The following RSKR variants were observed in gnomAD, a reference collection of about 807,000 sequenced individuals.
RSKR encodes ribosomal protein S6 kinase related.
Under a neutral mutation model 56.8 loss-of-function variants are expected in RSKR, and 44 were observed. That is an observed-to-expected ratio of 0.77 (90% CI 0.61 to 1.00). The LOEUF (loss-of-function observed/expected upper bound fraction) is 1.00. RSKR is among the 50% of genes least tolerant of loss of function. The pLI is 0.00. For synonymous variants in RSKR, 181 were observed against 188.0 expected (o/e 0.96, Z 0.30); for missense variants, 510 against 506.9 (o/e 1.01, Z -0.06).
rs1305768801 is a variant in RSKR at position 28,608,824 on chromosome 17, C to T, written c.*1654G>A. 3.3e-5 allele frequency: 5 copies of T among 152,028 alleles called. No homozygotes were observed. Among genetic ancestry groups the T allele is most frequent in the Admixed American group, 2.0e-4 (3 of 15,244 alleles). The allele number at this position is 152,028 out of a possible 1,614,324, so 9.4% of individuals were successfully genotyped here. A position where few individuals can be genotyped will look rare whatever the true frequency, so the allele number is the denominator to read the frequency against. ...GAGTACTCTCCAGACTGTCTTTTGT[C>T]TAGAGAGATTAGATGTAACTAAATA... On this transcript the variant is annotated 3_prime_UTR_variant, in exon 12 of 12. Coordinates refer to ENST00000301037, the MANE Select transcript of RSKR (RefSeq NM_001174103.2).
rs541562914 is a variant in RSKR, at chr17:28,611,570, T to C, written c.808A>G (p.Met270Val). ...AYTICGTLQY[M>V]APEVLSGGPY... ...CATCAGCTTTAACCTCTCTCACCCATGTACTGAAGAGTGCCACAGATAGTG... is the reference window on the plus strand; with the variant it reads ...CATCAGCTTTAACCTCTCTCACCCACGTACTGAAGAGTGCCACAGATAGTG... Residue 270 changes from methionine to valine, a missense_variant, in exon 9 of 12, where the codon ATG (methionine) becomes GTG (valine). Physicochemically the swap from Met to Val is conservative, Grantham distance 21. Coordinates refer to ENST00000301037, the MANE Select transcript of RSKR (RefSeq NM_001174103.2). 4.5e-6 allele frequency: 7 copies of C among 1,554,856 alleles called. No individual in the cohort carries two copies. The East Asian group carries it at 6.7e-5, about 15-fold the overall frequency.
Position 28,612,687 on chromosome 17 carries a change from G to C in RSKR, c.478C>G (p.Arg160Gly), listed in dbSNP as rs765474788. Residue 160 changes from arginine (R) to glycine (G), a missense_variant and splice_region_variant, in exon 5 of 12, where the codon CGA becomes GGA. Coordinates refer to ENST00000301037, the MANE Select transcript of RSKR (RefSeq NM_001174103.2). Reference sequence around the variant, plus strand: ...TGTACAAAGGGATGGTTGATCTGTCGCTAGGAACAAAGAAAACAGGAAGTT... The same window carrying C: ...TGTACAAAGGGATGGTTGATCTGTCCCTAGGAACAAAGAAAACAGGAAGTT... The part of the protein sequence containing the change: ...RQCKEEVSIQ[R>G]QINHPFVHSL... 1.2e-6 allele frequency: 2 copies of C among 1,614,132 alleles called. No individual in the cohort carries two copies. The highest frequency in any genetic ancestry group is 1.7e-6 in the Non-Finnish European group (2 of 1,179,994).
chr17:28,613,828 T>C, intron 1 of RSKR, 140 bp from the exon 2 acceptor site: 1 of 1,273,636 alleles, frequency 7.9e-7, no homozygotes, highest in Non-Finnish European at 1.1e-6. Flanking sequence ...CCCATTACCC[T>C]TGCTTTGTGC....
intron 10 of RSKR, 22 bp from the exon 11 acceptor site, chr17:28,611,275 G>A (rs2070809187): frequency 2.6e-6 from 4 of 1,534,140 alleles, no homozygotes; most frequent in Non-Finnish European, 3.5e-6. Context: ...GGTAGGGAGT[G>A]GAGGTAGGGG....
In RSKR at chr17:28,613,693, G is replaced by A; in HGVS notation, c.76-5C>T. Reference sequence around the variant, plus strand: ...ACCCCGGATGTTGCCACCCTGCTGAGAACCAAGGGAGCCACTCTAAACTTT... The same window carrying A: ...ACCCCGGATGTTGCCACCCTGCTGAAAACCAAGGGAGCCACTCTAAACTTT... On this transcript the variant is annotated splice_polypyrimidine_tract_variant and splice_region_variant and intron_variant, in intron 1 of 11. Coordinates refer to ENST00000301037, the MANE Select transcript of RSKR (RefSeq NM_001174103.2). The A allele has an allele frequency of 6.2e-7, 1 of 1,613,636 alleles. No individual in the cohort carries two copies. The highest frequency in any genetic ancestry group is 8.5e-7 in the Non-Finnish European group (1 of 1,179,898).
rs1450270929 is a variant in RSKR at position 28,610,327 on chromosome 17, C to T, written c.*151G>A. On this transcript the variant is annotated 3_prime_UTR_variant, in exon 12 of 12. Coordinates refer to ENST00000301037, the MANE Select transcript of RSKR (RefSeq NM_001174103.2). ...CTGTGGCTGCCAGTAGCAGAATGTC[C>T]AGGTTGGAACTCTGGTCTAAAGCCT... 1 of 687,334 alleles carries T rather than the reference C, an allele frequency of 1.5e-6. No individual in the cohort carries two copies. 42.6% of individuals were successfully genotyped at this position (687,334 alleles called of 1,614,324 possible).
At position 28,611,640 on chromosome 17, in the gene RSKR, T is replaced by C. The variant is rs749976796; in HGVS notation, c.738A>G (p.Thr246=). The C allele has an allele frequency of 6.3e-7, 1 of 1,583,588 alleles. No homozygotes were observed. Among genetic ancestry groups the C allele is most frequent in the Non-Finnish European group, 8.6e-7 (1 of 1,166,264 alleles). Residue 246 remains threonine (T), a synonymous_variant, in exon 9 of 12, where the codon ACA becomes ACG. Coordinates refer to ENST00000301037, the MANE Select transcript of RSKR (RefSeq NM_001174103.2). ...GCACGTGGCGGGACAGACCAAAGTC[T>C]GTCAGTTTCAGATGGCCTATGAAAG... ...LLDERGHLKL[T]DFGLSRHVPQ...
chr17:28,613,740 T>G, intron 1 of RSKR, 52 bp from the exon 2 acceptor site: 1 of 1,603,980 alleles, frequency 6.2e-7, no homozygotes, highest in Non-Finnish European at 8.5e-7. Context: ...GCATAGCAGG[T>G]TCCACCCATC....
chr17:28,611,878 G>GC, intron 7 of RSKR, 83 bp from the exon 8 acceptor site: 1 of 1,612,192 alleles, frequency 6.2e-7, no homozygotes, highest in Non-Finnish European at 8.5e-7. Flanking sequence ...TGAAGGTGAT[G>GC]CCCTACTCAG....
In RSKR at chr17:28,611,812, G is replaced by A. The variant is rs752559594; in HGVS notation, c.694-17C>T. On this transcript the variant is annotated splice_polypyrimidine_tract_variant and intron_variant, in intron 7 of 11. Coordinates refer to ENST00000301037, the MANE Select transcript of RSKR (RefSeq NM_001174103.2). ...ATTCTCCATCTGAAAGATCACAGGTGAGAAGTAATTCTTCCTCTTCCTTTC... is the reference window on the plus strand; with the variant it reads ...ATTCTCCATCTGAAAGATCACAGGTAAGAAGTAATTCTTCCTCTTCCTTTC... The A allele has an allele frequency of 6.2e-7, 1 of 1,614,022 alleles. No individual in the cohort carries two copies. Among genetic ancestry groups the A allele is most frequent in the East Asian group, 2.2e-5 (1 of 44,906 alleles).
intron 5 of RSKR, 63 bp downstream of exon 5, chr17:28,612,555 A>G: frequency 6.4e-7 from 1 of 1,553,556 alleles, no homozygotes; most frequent in Non-Finnish European, 8.9e-7. Flanking sequence ...CCAAAGAGGT[A>G]ATCTCAGGTG....
intron 5 of RSKR, 38 bp from the exon 6 acceptor site, chr17:28,612,404 G>C (rs1319843081): frequency 6.3e-7 from 1 of 1,592,308 alleles, no homozygotes; most frequent in Non-Finnish European, 8.6e-7. Context: ...ATTGCCAGAA[G>C]TCTAGGCAAT....
rs891970994 is a variant in RSKR at position 28,610,313 on chromosome 17, A to C, written c.*165T>G. The C allele has an allele frequency of 3.2e-6, 2 of 633,984 alleles. No homozygotes were observed. Among genetic ancestry groups the C allele is most frequent in the African/African-American group, 3.7e-5 (2 of 54,434 alleles). 39.3% of individuals were successfully genotyped at this position (633,984 alleles called of 1,614,324 possible). ...AGGAATAGGGCCAGCTGTGGCTGCC[A>C]GTAGCAGAATGTCCAGGTTGGAACT... On this transcript the variant is annotated 3_prime_UTR_variant, in exon 12 of 12. Coordinates refer to ENST00000301037, the MANE Select transcript of RSKR (RefSeq NM_001174103.2).
chr17:28,612,538 G>C, intron 5 of RSKR, 80 bp downstream of exon 5: 4 of 1,513,046 alleles, frequency 2.6e-6, no homozygotes, highest in Non-Finnish European at 3.7e-6. Flanking sequence ...AGCAAAGGCA[G>C]AACAAGCCAA....
At position 28,612,344 on chromosome 17, in the gene RSKR, A is replaced by G. The variant is rs371179946; in HGVS notation, c.570T>C (p.Asp190=). 6.2e-7 allele frequency: 1 copy of G among 1,614,178 alleles called. No individual in the cohort carries two copies. The highest frequency in any genetic ancestry group is 1.3e-5 in the African/African-American group (1 of 75,040). The part of the protein sequence containing the change: ...LFIMCSYCST[D]LYSLWSAVGC... ...CAACAGCCGACCAAAGGGAGTACAG[A>G]TCTGTGCTGCAGTAGCTACACACTG... The change falls in exon 6 of 12, where the codon GAT becomes GAC. Residue 190 remains aspartate (D), a synonymous_variant. Transcript: ENST00000301037.
chr17:28,612,487 C>A, intron 5 of RSKR, 121 bp from the exon 6 acceptor site: 1 of 1,378,690 alleles, frequency 7.3e-7, no homozygotes. Context: ...CTGCTGTTCC[C>A]CTCCCTTTGG....
Position 28,610,438 on chromosome 17 carries a change from T to G in RSKR, c.*40A>C, listed in dbSNP as rs751904214. ...TACTGAGTAGGCAGGGATGGAGATC[T>G]TCAGGCTCCCAGCCGGGCCCCAATT... On this transcript the variant is annotated 3_prime_UTR_variant, in exon 12 of 12. Transcript: ENST00000301037. 2 of 1,516,048 alleles carry G rather than the reference T, an allele frequency of 1.3e-6. No individual in the cohort carries two copies. Among genetic ancestry groups the G allele is most frequent in the South Asian group, 2.4e-5 (2 of 83,638 alleles). 93.9% of individuals were successfully genotyped at this position (1,516,048 alleles called of 1,614,324 possible).
chr17:28,613,624 G>T lies in RSKR; in HGVS notation c.140C>A (p.Thr47Asn), dbSNP rs536717012. 4 of 1,614,126 alleles carry T rather than the reference G, an allele frequency of 2.5e-6. No individual in the cohort carries two copies. The African/African-American group carries it at 4.0e-5, about 16-fold the overall frequency. ...GWKSLWTGLG[T>N]IRSDLEELWE... ...GAGTTCTTCCAGATCTGACCTGATG[G>T]TTCCCAAACCTGTCCAGAGGCTCTT... The change falls in exon 2 of 12, where the codon ACC (threonine) becomes AAC (asparagine). Residue 47 changes from threonine (T) to asparagine (N), a missense_variant. By Grantham distance (65) the Thr-to-Asn change is moderately conservative (BLOSUM62 0). Coordinates refer to ENST00000301037, the MANE Select transcript of RSKR (RefSeq NM_001174103.2).
chr17:28,610,801 G>C, intron 11 of RSKR, 102 bp from the exon 12 acceptor site: 1 of 1,150,932 alleles, frequency 8.7e-7, no homozygotes. Flanking sequence ...GTGGAGGGTA[G>C]GAATAAGAAC....
Sources: gnomAD v4.1 joint callset for allele counts on GRCh38, gnomAD v4.1.1 for gene constraint, MANE v1.5 for transcripts, NCBI Gene and HGNC (gene_info 2026-07-23, HGNC 2026-07-21) for gene names.